The following MCF2L variants were observed in gnomAD, a reference collection of about 807,000 sequenced individuals.
MCF2L encodes the protein guanine nucleotide exchange factor DBS.
MCF2L carries 97 observed loss-of-function variants against 153.4 expected under a neutral mutation model. The ratio of observed to expected loss-of-function variants is 0.63; its 90% confidence interval spans 0.54 to 0.75. MCF2L has a LOEUF of 0.75. Among genes scored for constraint, MCF2L ranks in the 30% least tolerant of loss-of-function variants. The pLI is 0.00. For missense variants in MCF2L, 1,347 were observed against 1,495.2 expected, an observed-to-expected ratio of 0.90 and a Z score of 1.64; for synonymous variants, 659 against 632.2, an observed-to-expected ratio of 1.04 and a Z score of -0.64.
rs754431667 is a variant in MCF2L at position 112,908,538 on chromosome 13, C to T, written c.169+6167C>T. On this transcript the variant is annotated intron_variant, in intron 2 of 29. Transcript: ENST00000375608. ...AGCCGATTTTGCATGCCCCAGAGCA[C>T]ACATGATTCTGTGGGTGTTTTATCA... Among the ~76,000 whole-genome samples, 7 of 152,148 alleles carry T rather than the reference C, an allele frequency of 4.6e-5. No homozygotes were observed. The South Asian group carries it at 1.0e-3, about 23-fold the overall frequency.
intron 26 of MCF2L, chr13:113,090,355 A>G (rs553702): frequency 0.9 from 883,317 of 985,340 alleles, 398,332 homozygotes; most frequent in Non-Finnish European, 0.92. Context: ...CCTTCGGGAA[A>G]ATGAAGGCGA....
intron 2 of MCF2L, among the ~76,000 whole-genome samples, chr13:112,914,441 A>G (rs764113531): frequency 1.6e-4 from 25 of 152,254 alleles, no homozygotes; most frequent in Non-Finnish European, 2.9e-4. Flanking sequence ...TAGTGGTGCA[A>G]TTAGTAACCT....
intron 2 of MCF2L, chr13:112,910,737 G>C (rs952585968): frequency 7.2e-5 from 11 of 152,250 alleles, no homozygotes; most frequent in African/African-American, 2.7e-4. Context: ...GGGGGGCTCG[G>C]GCTTCCTGCC....
At chr13:112,965,668 C>T (rs1203879579), upstream of MCF2L, 1 of 152,304 alleles carries the variant, frequency 6.6e-6, no homozygotes, top group Non-Finnish European at 1.5e-5. Flanking sequence ...CCCTGCTCCC[C>T]TAGCCTCGGG....
intron 3 of MCF2L, among the ~76,000 whole-genome samples, chr13:113,039,513 A>G (rs544502253): frequency 9.2e-5 from 14 of 152,312 alleles, no homozygotes; most frequent in Middle Eastern, 3.4e-3. Flanking sequence ...AAAATGAACC[A>G]TGAAGAGATC....
rs146432747 is a variant in MCF2L at position 113,066,632 on chromosome 13, G to A, written c.881+462G>A. On this transcript the variant is annotated intron_variant, in intron 8 of 29. Transcript: ENST00000535094. ...GCTTCCAGCTTTATAGCAGCACAGG[G>A]TAGGGCACTCGTGTGGTTGGCATGG... Among the ~76,000 whole-genome samples, 8 of 152,250 alleles carry A rather than the reference G, an allele frequency of 5.3e-5. No homozygotes were observed. In the East Asian group the frequency reaches 1.4e-3, roughly 26 times the overall value.
In MCF2L at chr13:113,018,629, G is replaced by C. The variant is rs150023590; in HGVS notation, c.163+3783G>C. On this transcript the variant is annotated intron_variant, in intron 2 of 29. Transcript: ENST00000535094. ...GTCGTGGTCTCAGAACTCAGTCCTT[G>C]TGTCATCCTAGAAAAGATACTTCAA... is the stretch of plus-strand genomic sequence containing the variant. Among the ~76,000 whole-genome samples, 549 of 152,252 alleles carry C rather than the reference G, an allele frequency of 3.6e-3. 4 individuals carry two copies. Among genetic ancestry groups the C allele is most frequent in the African/African-American group, 0.012 (518 of 41,544 alleles).
intron 1 of MCF2L, among the ~76,000 whole-genome samples, chr13:113,005,074 A>C (rs1269683889): frequency 6.6e-6 from 1 of 152,222 alleles, no homozygotes; most frequent in Non-Finnish European, 1.5e-5. Flanking sequence ...CCACACGTGG[A>C]ATCGACCCCA....
At chr13:112,903,053 C>G (rs2081135192) in intron 2 of MCF2L, among the ~76,000 whole-genome samples, 1 of 152,216 alleles carries the variant, frequency 6.6e-6, no homozygotes, top group African/African-American at 2.4e-5. Context: ...CCATTTCTTC[C>G]CAAATTGATT....
At chr13:113,066,531 C>T (rs948387175) in intron 8 of MCF2L, among the ~76,000 whole-genome samples, 2 of 152,218 alleles carry the variant, frequency 1.3e-5, no homozygotes, top group Non-Finnish European at 2.9e-5. Flanking sequence ...AGGGAGAAAG[C>T]CTGGGGTTCT....
Position 113,094,653 on chromosome 13 carries a change from G to A in MCF2L, c.3075+18G>A. ...AGAAGCTGGTAACCACGGCTTCCCT[G>A]TGGGCACTTGGGGTGGGGGCTGCCC... is the stretch of plus-strand genomic sequence containing the variant. On this transcript the variant is annotated intron_variant, in intron 27 of 29. Transcript: ENST00000535094. 6.2e-7 allele frequency: 1 copy of A among 1,603,700 alleles called. No individual in the cohort carries two copies. Among genetic ancestry groups the A allele is most frequent in the Non-Finnish European group, 8.5e-7 (1 of 1,176,056 alleles).
chr13:113,015,981 C>T (rs2084488095), intron 2 of MCF2L, among the ~76,000 whole-genome samples: 2 of 152,158 alleles, frequency 1.3e-5, no homozygotes, highest in African/African-American at 4.8e-5. Flanking sequence ...AAGAGGCTCA[C>T]AGCTTTGCCA....
intron 1 of MCF2L, among the ~76,000 whole-genome samples, chr13:112,971,792 C>G (rs1462678025): frequency 6.6e-6 from 1 of 152,334 alleles, no homozygotes; most frequent in Admixed American, 6.5e-5. Context: ...GCAACTTCCC[C>G]CTGGCCCCCC....
At chr13:112,990,041 G>A (rs1406846748) in intron 1 of MCF2L, among the ~76,000 whole-genome samples, 4 of 152,150 alleles carry the variant, frequency 2.6e-5, no homozygotes, top group Non-Finnish European at 5.9e-5. Flanking sequence ...CGGAGCTCAG[G>A]CAGTCCTCAC....
intron 5 of MCF2L, among the ~76,000 whole-genome samples, chr13:113,063,102 C>T (rs906561589): frequency 7.2e-5 from 11 of 152,240 alleles, no homozygotes; most frequent in African/African-American, 1.9e-4. Context: ...AGGCCGCACT[C>T]GTGTGGAGTT....
chr13:113,060,135 C>T (rs74115769), intron 4 of MCF2L, among the ~76,000 whole-genome samples: 2,042 of 152,282 alleles, frequency 0.013, 44 homozygotes, highest in African/African-American at 0.046. Context: ...GTGGAAGCAC[C>T]GCCCCGGCCT....
intron 3 of MCF2L, among the ~76,000 whole-genome samples, chr13:113,039,241 T>C (rs999289458): frequency 2.0e-5 from 3 of 152,156 alleles, no homozygotes; most frequent in Non-Finnish European, 4.4e-5. Context: ...GTGGATGTGA[T>C]TGGCTGTCTG....
intron 2 of MCF2L, among the ~76,000 whole-genome samples, chr13:112,903,623 G>A (rs1263155457): frequency 6.6e-6 from 1 of 152,206 alleles, no homozygotes. Context: ...CTGGGGGGCT[G>A]CGTTTCGGTA....
At chr13:113,090,869 CTA>C in intron 26 of MCF2L, 1 of 1,160,764 alleles carries the variant, frequency 8.6e-7, no homozygotes, top group Non-Finnish European at 1.1e-6. Flanking sequence ...GAAAACGTCC[CTA>C]GAGACGGGCC....
Sources: gnomAD v4.1 joint callset for allele counts (sites outside exome capture counted in the v4.1 genomes callset) on GRCh38, gnomAD v4.1.1 for gene constraint, MANE v1.5 for transcripts, NCBI Gene and HGNC (gene_info 2026-07-23, HGNC 2026-07-21) for gene names.